Variants in CACNB4 observed in about 807,000 individuals in gnomAD.
The protein encoded by CACNB4 is voltage-dependent L-type calcium channel subunit beta-4.
Under a neutral mutation model 71.2 loss-of-function variants are expected in CACNB4, and 32 were observed. That is an observed-to-expected ratio of 0.45 (90% CI 0.34 to 0.60). CACNB4 has a LOEUF of 0.60. Ranked by LOEUF, CACNB4 falls within the 20% of genes least tolerant of loss-of-function variation. The pLI, the probability that CACNB4 is intolerant of heterozygous loss-of-function variation, is 0.01. For missense variants in CACNB4, 464 were observed against 647.9 expected (o/e 0.72, Z 3.08); for synonymous variants, 231 against 236.9 (o/e 0.97, Z 0.23).
intron 2 of CACNB4, among the ~76,000 whole-genome samples, chr2:151,985,706 G>C (rs367924219): frequency 5.2e-4 from 78 of 149,738 alleles, no homozygotes; most frequent in African/African-American, 1.8e-3. Context: ...GAGCAAGAAT[G>C]TGAGTATATA....
intron 2 of CACNB4, among the ~76,000 whole-genome samples, chr2:152,015,244 T>C (rs2105089775): frequency 6.6e-6 from 1 of 152,306 alleles, no homozygotes; most frequent in African/African-American, 2.4e-5. Context: ...GTGATTCTCC[T>C]GCCTCAGCCT....
intron 2 of CACNB4, among the ~76,000 whole-genome samples, chr2:151,933,544 A>C (rs2099862142): frequency 6.6e-6 from 1 of 152,046 alleles, no homozygotes; most frequent in Non-Finnish European, 1.5e-5. Flanking sequence ...AGACCAAGCA[A>C]TGCATTCAAG....
At position 151,837,687 on chromosome 2, in the gene CACNB4, A is replaced by AG. The variant is rs2099835185; in HGVS notation, c.*1431dup. 1 of 152,004 alleles carries AG rather than the reference A, an allele frequency of 6.6e-6. No homozygotes were observed. Among genetic ancestry groups the AG allele is most frequent in the Admixed American group, 6.6e-5 (1 of 15,246 alleles). 9.4% of individuals were successfully genotyped at this position (152,004 alleles called of 1,614,324 possible). ...AATTTCTTAGATCAGAGTGAATCTA[A>AG]GGCTTCCTTGATAATATAAAACATA... is the stretch of plus-strand genomic sequence containing the variant. On this transcript the variant is annotated 3_prime_UTR_variant, in exon 14 of 14. Transcript: ENST00000539935.
intron 2 of CACNB4, among the ~76,000 whole-genome samples, chr2:152,045,200 A>G (rs1685086366): frequency 6.6e-6 from 1 of 152,196 alleles, no homozygotes; most frequent in Non-Finnish European, 1.5e-5. Context: ...TATGCTTTTA[A>G]AGATAAGGAC....
chr2:152,011,397 A>G (rs1031151191), intron 2 of CACNB4, among the ~76,000 whole-genome samples: 2 of 152,164 alleles, frequency 1.3e-5, no homozygotes, highest in Admixed American at 1.3e-4. Context: ...TGGGGTCTTG[A>G]ACATTCCCAG....
chr2:151,851,354 G>A (rs753749735), intron 12 of CACNB4: 19 of 152,124 alleles, frequency 1.2e-4, no homozygotes, highest in Non-Finnish European at 7.4e-5. Context: ...CTAAGTACAA[G>A]GTAACCTTAT....
intron 2 of CACNB4, among the ~76,000 whole-genome samples, chr2:152,075,345 C>T (rs1226258506): frequency 1.3e-5 from 2 of 152,140 alleles, no homozygotes; most frequent in Non-Finnish European, 2.9e-5. Flanking sequence ...GGTTCACTGT[C>T]AATGGGAGAG....
chr2:152,045,618 TA>T (rs75234358), intron 2 of CACNB4, among the ~76,000 whole-genome samples: 7,067 of 151,168 alleles, frequency 0.047, 266 homozygotes, highest in African/African-American at 0.1. Context: ...TACCACATTT[TA>T]AAAAAAAAAA....
At chr2:152,002,842 T>C (rs777789206) in intron 2 of CACNB4, among the ~76,000 whole-genome samples, 5 of 152,266 alleles carry the variant, frequency 3.3e-5, no homozygotes, top group Non-Finnish European at 5.9e-5. Flanking sequence ...TGTGGTTACA[T>C]GCAATAAAGA....
chr2:151,975,774 G>A (rs1254654515), intron 2 of CACNB4, among the ~76,000 whole-genome samples: 1 of 152,216 alleles, frequency 6.6e-6, no homozygotes, highest in Non-Finnish European at 1.5e-5. Context: ...AGAATCAACA[G>A]AAAACTGAGA....
At chr2:152,054,365 CAAAAAAA>C (rs34291036) in intron 2 of CACNB4, among the ~76,000 whole-genome samples, 19 of 85,182 alleles carry the variant, frequency 2.2e-4, no homozygotes, top group East Asian at 1.7e-3. Flanking sequence ...AACTCCGTCT[CAAAAAAA>C]AAAAAAAAAA....
intron 2 of CACNB4, chr2:151,969,028 T>A (rs1202826871): frequency 2.0e-5 from 3 of 152,232 alleles, no homozygotes; most frequent in African/African-American, 7.2e-5. Flanking sequence ...CATTGCTGAT[T>A]GAAGAGAAAG....
chr2:152,014,472 T>C (rs1159434614), intron 2 of CACNB4, among the ~76,000 whole-genome samples: 1 of 151,998 alleles, frequency 6.6e-6, no homozygotes, highest in African/African-American at 2.4e-5. Context: ...GGCTCTCACC[T>C]GTAATCCTAG....
Position 152,068,004 on chromosome 2 carries a change from G to A in CACNB4, c.147+30326C>T, listed in dbSNP as rs1375435774. On this transcript the variant is annotated intron_variant, in intron 2 of 13. Transcript: ENST00000539935. Reference sequence around the variant, plus strand: ...GATTGTGAAAGGCCTCCTTGACAGTGTTTAGGTTGACTCATTGCCTGCAGC... The same window carrying A: ...GATTGTGAAAGGCCTCCTTGACAGTATTTAGGTTGACTCATTGCCTGCAGC... Among the ~76,000 whole-genome samples the A allele has an allele frequency of 2.0e-5, 3 of 152,178 alleles. No individual in the cohort carries two copies. In the East Asian group the frequency reaches 5.8e-4, roughly 29 times the overall value.
At chr2:151,843,705 G>A (rs1180007709) in intron 12 of CACNB4, among the ~76,000 whole-genome samples, 1 of 152,070 alleles carries the variant, frequency 6.6e-6, no homozygotes, top group African/African-American at 2.4e-5. Flanking sequence ...GAACCTCCCA[G>A]GAATGAATCA....
chr2:151,864,166 T>C (rs918167941), intron 9 of CACNB4, among the ~76,000 whole-genome samples: 2 of 152,198 alleles, frequency 1.3e-5, no homozygotes, highest in African/African-American at 4.8e-5. Flanking sequence ...CCTTGTTTGG[T>C]ATACATCTCT....
At chr2:152,086,776 A>C (rs946086523) in intron 2 of CACNB4, among the ~76,000 whole-genome samples, 3 of 152,172 alleles carry the variant, frequency 2.0e-5, no homozygotes, top group Non-Finnish European at 4.4e-5. Context: ...CCCTCTATAG[A>C]TGGGAGCCAC....
chr2:152,049,848 T>C (rs1685327973), intron 2 of CACNB4, among the ~76,000 whole-genome samples: 2 of 152,254 alleles, frequency 1.3e-5, no homozygotes, highest in African/African-American at 2.4e-5. Flanking sequence ...TTATTCCTTT[T>C]AGAGCGTTCA....
chr2:152,035,500 C>T (rs764957339), intron 2 of CACNB4, among the ~76,000 whole-genome samples: 33 of 152,038 alleles, frequency 2.2e-4, no homozygotes, highest in Non-Finnish European at 4.4e-4. Flanking sequence ...GCGGAGGTTG[C>T]GGTGAGCTGA....
Sources: allele counts gnomAD v4.1 joint callset (sites outside exome capture counted in the v4.1 genomes callset), GRCh38; gene constraint gnomAD v4.1.1; transcripts MANE v1.5; gene names NCBI Gene and HGNC (gene_info 2026-07-23, HGNC 2026-07-21).